The following WDFY4 variants were observed in gnomAD, a reference collection of about 807,000 sequenced individuals.
The protein encoded by WDFY4 is WDFY family member 4, also known as WD repeat- and FYVE domain-containing protein 4.
In WDFY4, 169 loss-of-function variants were observed where a neutral mutation model predicts 351.9. The observed-to-expected ratio is 0.48, with a 90% CI of 0.42 to 0.55. The LOEUF (loss-of-function observed/expected upper bound fraction) is 0.55, where lower values mean the gene tolerates loss of function less well. Among genes scored for constraint, WDFY4 ranks in the 20% least tolerant of loss-of-function variants. The pLI, the probability that WDFY4 is intolerant of heterozygous loss-of-function variation, is 0.00. For synonymous variants in WDFY4, 1,622 were observed against 1,574.6 expected (o/e 1.03, Z -0.71); for missense variants, 3,803 against 3,935.6 (o/e 0.97, Z 0.90).
At chr10:48,696,962 T>C (rs557731295) in intron 1 of WDFY4, among the ~76,000 whole-genome samples, 1 of 152,344 alleles carries the variant, frequency 6.6e-6, no homozygotes, top group East Asian at 1.9e-4. Flanking sequence ...TAGGAAGAGA[T>C]GGAGCTGGGA....
intron 32 of WDFY4, 92 bp from the exon 33 acceptor site, chr10:48,820,142 G>A: frequency 7.2e-7 from 1 of 1,381,422 alleles, no homozygotes; most frequent in Non-Finnish European, 1.0e-6. Flanking sequence ...CACTGGGCAT[G>A]ACAATAATCC....
chr10:48,694,226 A>G (rs2063271261), intron 1 of WDFY4, among the ~76,000 whole-genome samples: 3 of 152,118 alleles, frequency 2.0e-5, no homozygotes, highest in Non-Finnish European at 4.4e-5. Context: ...GAGGAATCAG[A>G]TGGGGGCTGC....
In WDFY4 at chr10:48,956,872, A is replaced by T. The variant is rs138485463; in HGVS notation, c.7978-257A>T. On this transcript the variant is annotated intron_variant, in intron 51 of 61. Transcript: ENST00000325239. ...TGATATGAACTCAGATTTCCATAGGAGGGAAACATGGATTGATTAACACGG... is the reference window on the plus strand; with the variant it reads ...TGATATGAACTCAGATTTCCATAGGTGGGAAACATGGATTGATTAACACGG... Among the ~76,000 whole-genome samples the T allele has an allele frequency of 2.8e-3, 422 of 152,310 alleles. 5 individuals carry two copies. The highest frequency in any genetic ancestry group is 9.9e-3 in the African/African-American group (410 of 41,548).
chr10:48,877,075 TG>T lies in WDFY4; in HGVS notation c.7048del (p.Val2350TrpfsTer6). 6.5e-7 allele frequency: 1 copy of T among 1,528,372 alleles called. No individual in the cohort carries two copies. The highest frequency in any genetic ancestry group is 1.4e-5 in the African/African-American group (1 of 72,180). 94.7% of individuals were successfully genotyped at this position (1,528,372 alleles called of 1,614,324 possible). A position where few individuals can be genotyped will look rare whatever the true frequency, so the allele number is the denominator to read the frequency against. ...LREAEGEPDE[V>X]GVDCTQLTFF... The stretch of plus-strand genomic sequence containing the variant: ...GAGGCTGAGGGCGAGCCGGACGAGG[TG>T]GGGGTGGACTGCACCCAGCTGACCT... On this transcript the variant is annotated frameshift_variant, in exon 43 of 62. Coordinates refer to ENST00000325239, the MANE Select transcript of WDFY4 (RefSeq NM_001394531.1). LOFTEE classifies it high-confidence loss of function.
At chr10:48,790,672 C>A in intron 22 of WDFY4, 55 bp from the exon 23 acceptor site, 1 of 1,524,582 alleles carries the variant, frequency 6.6e-7, no homozygotes, top group Admixed American at 2.0e-5. Context: ...CGGGGAATTT[C>A]CCATTGCAAT....
At chr10:48,720,763 A>C (rs1198650622) in intron 3 of WDFY4, among the ~76,000 whole-genome samples, 3 of 152,218 alleles carry the variant, frequency 2.0e-5, no homozygotes, top group African/African-American at 7.2e-5. Context: ...ACAGAGGCCA[A>C]AGTGCATCTC....
intron 59 of WDFY4, among the ~76,000 whole-genome samples, chr10:48,977,425 T>TCATCCATCCATC (rs371807944): frequency 8.1e-4 from 122 of 150,124 alleles, no homozygotes; most frequent in African/African-American, 2.5e-3. Flanking sequence ...ACCCATCCAC[T>TCATCCATCCATC]CATCCATCCA....
chr10:48,938,207 A>G (rs548929391), intron 47 of WDFY4, among the ~76,000 whole-genome samples: 7 of 152,246 alleles, frequency 4.6e-5, no homozygotes, highest in Admixed American at 1.3e-4. Flanking sequence ...GCAACACAAC[A>G]TGGGAGAATT....
intron 39 of WDFY4, among the ~76,000 whole-genome samples, chr10:48,842,209 C>A (rs1280893428): frequency 6.6e-6 from 1 of 151,878 alleles, no homozygotes; most frequent in East Asian, 1.9e-4. Context: ...TTAAAAGGAT[C>A]AGTGTCAGGG....
At chr10:48,980,957 T>C (rs1359793998) in intron 60 of WDFY4, among the ~76,000 whole-genome samples, 1 of 152,250 alleles carries the variant, frequency 6.6e-6, no homozygotes, top group Non-Finnish European at 1.5e-5. Context: ...AAGTTGATAA[T>C]GCCGACTTTA....
chr10:48,692,880 G>T (rs1431572144), intron 1 of WDFY4, among the ~76,000 whole-genome samples: 2 of 152,214 alleles, frequency 1.3e-5, no homozygotes, highest in African/African-American at 4.8e-5. Context: ...GTCGCCTGCT[G>T]GTGATGGCTG....
chr10:48,687,767 A>T (rs1046356617), intron 1 of WDFY4, among the ~76,000 whole-genome samples: 1 of 146,432 alleles, frequency 6.8e-6, no homozygotes. Context: ...GGTACATGCC[A>T]CCACACCTGG....
At chr10:48,926,566 G>T (rs1262714177) in intron 47 of WDFY4, among the ~76,000 whole-genome samples, 1 of 152,138 alleles carries the variant, frequency 6.6e-6, no homozygotes, top group Non-Finnish European at 1.5e-5. Context: ...CTGACCACAG[G>T]CAAATAAGGT....
intron 44 of WDFY4, among the ~76,000 whole-genome samples, chr10:48,892,781 C>T (rs1836880455): frequency 6.6e-6 from 1 of 152,248 alleles, no homozygotes; most frequent in South Asian, 2.1e-4. Context: ...ACCATAAAAA[C>T]ATCCAAAATC....
At chr10:48,790,382 G>C (rs1486215259) in intron 22 of WDFY4, among the ~76,000 whole-genome samples, 1 of 152,224 alleles carries the variant, frequency 6.6e-6, no homozygotes, top group Non-Finnish European at 1.5e-5. Context: ...GCAGGATCTA[G>C]AGGACAGGCA....
chr10:48,825,310 T>C (rs1295020924), intron 35 of WDFY4, among the ~76,000 whole-genome samples: 2 of 152,250 alleles, frequency 1.3e-5, no homozygotes, highest in African/African-American at 4.8e-5. Flanking sequence ...TTATGGCTCA[T>C]AGTATTCCAT....
At chr10:48,722,783 A>G (rs1041537520) in intron 4 of WDFY4, among the ~76,000 whole-genome samples, 3 of 152,244 alleles carry the variant, frequency 2.0e-5, no homozygotes. Context: ...GCAAAGCCCC[A>G]GGAAGAAAGA....
Position 48,957,172 on chromosome 10 carries a change from A to G in WDFY4, c.8021A>G (p.Lys2674Arg). The change falls in exon 52 of 62, where the codon AAG becomes AGG. Residue 2674 changes from lysine to arginine, a missense_variant. Physicochemically the swap from Lys to Arg is conservative, Grantham distance 26. Coordinates refer to ENST00000325239, the MANE Select transcript of WDFY4 (RefSeq NM_001394531.1). ...GCAGACAGAATGTTCCACAGTGTGA[A>G]GAGCACGTGGGAGTCGGCCTCCAGA... is the stretch of plus-strand genomic sequence containing the variant. ...DVADRMFHSV[K>R]STWESASREN... 1 of 1,551,658 alleles carries G rather than the reference A, an allele frequency of 6.4e-7. No individual in the cohort carries two copies. Among genetic ancestry groups the G allele is most frequent in the Non-Finnish European group, 8.7e-7 (1 of 1,146,960 alleles).
chr10:48,716,721 C>T (rs1166710494), intron 2 of WDFY4, among the ~76,000 whole-genome samples: 1 of 152,206 alleles, frequency 6.6e-6, no homozygotes, highest in East Asian at 1.9e-4. Context: ...TGTGGAGTGC[C>T]TCCTGGAGTC....
Sources: allele counts gnomAD v4.1 joint callset (sites outside exome capture counted in the v4.1 genomes callset), GRCh38; gene constraint gnomAD v4.1.1; transcripts MANE v1.5; gene names NCBI Gene and HGNC (gene_info 2026-07-23, HGNC 2026-07-21).